BNC2: variants seen among roughly 807,000 people sequenced by gnomAD.
BNC2 encodes basonuclin zinc finger protein 2.
Under a neutral mutation model 76.3 loss-of-function variants are expected in BNC2, and 20 were observed. The observed-to-expected ratio is 0.26, with a 90% confidence interval of 0.18 to 0.38. The LOEUF (loss-of-function observed/expected upper bound fraction) is 0.38, where lower values mean the gene tolerates loss of function less well. BNC2 is among the 10% of genes least tolerant of loss of function. BNC2 has a pLI of 1.00. For missense variants in BNC2, 1,382 were observed against 1,399.8 expected, an observed-to-expected ratio of 0.99 and a Z score of 0.20; for synonymous variants, 582 against 514.8, an observed-to-expected ratio of 1.13 and a Z score of -1.77.
chr9:16,733,748 G>T (rs1824579756), intron 2 of BNC2, among the ~76,000 whole-genome samples: 1 of 152,058 alleles, frequency 6.6e-6, no homozygotes, highest in African/African-American at 2.4e-5. Context: ...GCCAGGCATG[G>T]TGGCAGGCAC....
chr9:16,495,162 T>C (rs1469397459), intron 5 of BNC2, among the ~76,000 whole-genome samples: 2 of 152,148 alleles, frequency 1.3e-5, no homozygotes, highest in Admixed American at 6.5e-5. Flanking sequence ...AAGGTGGTGA[T>C]AAATCATCAG....
At chr9:16,808,813 G>A (rs1461360950) in intron 1 of BNC2, among the ~76,000 whole-genome samples, 3 of 151,992 alleles carry the variant, frequency 2.0e-5, no homozygotes, top group African/African-American at 7.3e-5. Context: ...TCTGTGAATT[G>A]CTTTGAGGCC....
intron 5 of BNC2, among the ~76,000 whole-genome samples, chr9:16,504,260 A>G (rs1278944432): frequency 2.0e-5 from 3 of 152,118 alleles, no homozygotes; most frequent in Admixed American, 6.5e-5. Flanking sequence ...CAAACTTCTT[A>G]AAGTTTGGAA....
At chr9:16,632,961 C>T (rs1014538122) in intron 3 of BNC2, among the ~76,000 whole-genome samples, 1 of 152,282 alleles carries the variant, frequency 6.6e-6, no homozygotes, top group African/African-American at 2.4e-5. Context: ...AGCATGAGAA[C>T]TGATCATATT....
intron 1 of BNC2, among the ~76,000 whole-genome samples, chr9:16,819,792 C>A (rs1818273598): frequency 6.6e-6 from 1 of 151,606 alleles, no homozygotes; most frequent in Admixed American, 6.6e-5. Context: ...CATTTAATTT[C>A]CACAACTCTG....
At chr9:16,521,518 A>C (rs1322304542) in intron 5 of BNC2, among the ~76,000 whole-genome samples, 2 of 152,216 alleles carry the variant, frequency 1.3e-5, no homozygotes, top group Non-Finnish European at 2.9e-5. Flanking sequence ...AGAGAAGAAA[A>C]TATAATTTGC....
chr9:16,822,523 AG>A (rs1563959163), intron 1 of BNC2, among the ~76,000 whole-genome samples: 1 of 152,198 alleles, frequency 6.6e-6, no homozygotes, highest in Non-Finnish European at 1.5e-5. Context: ...ATGGCCTTTA[AG>A]GAAAAAATTT....
chr9:16,551,838 T>A (rs899514480), intron 5 of BNC2, among the ~76,000 whole-genome samples: 1 of 152,098 alleles, frequency 6.6e-6, no homozygotes, highest in African/African-American at 2.4e-5. Flanking sequence ...TGGGGGTGCA[T>A]GAAGGCTGTG....
chr9:16,733,871 G>A (rs1018312711), intron 2 of BNC2, among the ~76,000 whole-genome samples: 1 of 151,354 alleles, frequency 6.6e-6, no homozygotes, highest in Non-Finnish European at 1.5e-5. Context: ...GCAAAAAGAG[G>A]GAAACTCCAT....
At chr9:16,757,853 TG>T in intron 1 of BNC2, among the ~76,000 whole-genome samples, 1 of 152,238 alleles carries the variant, frequency 6.6e-6, no homozygotes, top group East Asian at 1.9e-4. Flanking sequence ...AATAGCTTTT[TG>T]TTCCTTTACA....
At chr9:16,775,713 G>A (rs1825947670) in intron 1 of BNC2, 1 of 222,356 alleles carries the variant, frequency 4.5e-6, no homozygotes, top group Non-Finnish European at 1.0e-5. Context: ...GATACTTGCT[G>A]GAGGGGTGTG....
intron 6 of BNC2, among the ~76,000 whole-genome samples, chr9:16,433,812 A>G (rs1469645414): frequency 6.6e-6 from 1 of 152,148 alleles, no homozygotes; most frequent in East Asian, 1.9e-4. Context: ...TTAAGCTTAA[A>G]TTTTGGCTTG....
At chr9:16,804,976 C>T (rs1358979389) in intron 1 of BNC2, among the ~76,000 whole-genome samples, 1 of 152,028 alleles carries the variant, frequency 6.6e-6, no homozygotes, top group African/African-American at 2.4e-5. Flanking sequence ...GTGGGAGAAT[C>T]TCTTGAACTC....
At chr9:16,843,238 T>C (rs1194762664) in intron 1 of BNC2, among the ~76,000 whole-genome samples, 2 of 152,222 alleles carry the variant, frequency 1.3e-5, no homozygotes, top group South Asian at 2.1e-4. Flanking sequence ...CCAAAGCCAA[T>C]ACTCTTTAAA....
At chr9:16,793,467 T>G (rs536848075) in intron 1 of BNC2, among the ~76,000 whole-genome samples, 6 of 152,130 alleles carry the variant, frequency 3.9e-5, no homozygotes, top group South Asian at 2.1e-4. Flanking sequence ...AAGGATCAAT[T>G]CTAGTTTTCT....
At chr9:16,678,650 T>C (rs1211304435) in intron 3 of BNC2, among the ~76,000 whole-genome samples, 7 of 147,950 alleles carry the variant, frequency 4.7e-5, no homozygotes, top group African/African-American at 1.7e-4. Context: ...AACAGTCTCT[T>C]TTTTTTTTTT....
At chr9:16,660,869 T>C (rs2134055120) in intron 3 of BNC2, among the ~76,000 whole-genome samples, 1 of 152,298 alleles carries the variant, frequency 6.6e-6, no homozygotes, top group African/African-American at 2.4e-5. Context: ...AATATAGAGA[T>C]GATTTCAAGT....
intron 3 of BNC2, among the ~76,000 whole-genome samples, chr9:16,629,177 C>A (rs1821088354): frequency 6.6e-6 from 1 of 152,102 alleles, no homozygotes. Context: ...CTTTTATTGC[C>A]TAATTTAGCC....
chr9:16,788,418 T>C (rs1047950385), intron 1 of BNC2, among the ~76,000 whole-genome samples: 4 of 151,796 alleles, frequency 2.6e-5, no homozygotes, highest in African/African-American at 7.3e-5. Context: ...CCGGGCGTGG[T>C]GGTAGGCTCC....
Sources: allele counts gnomAD v4.1 joint callset (sites outside exome capture counted in the v4.1 genomes callset), GRCh38; gene constraint gnomAD v4.1.1; transcripts MANE v1.5; gene names NCBI Gene and HGNC (gene_info 2026-07-23, HGNC 2026-07-21).